The following MYO18B variants were observed in gnomAD, a reference collection of about 807,000 sequenced individuals.
The protein encoded by MYO18B is myosin XVIIIB, also known as unconventional myosin-XVIIIb.
MYO18B carries 204 observed loss-of-function variants against 273.0 expected under a neutral mutation model. That is an observed-to-expected ratio of 0.75 (90% confidence interval 0.67 to 0.84). MYO18B has a LOEUF of 0.84. Ranked by LOEUF, MYO18B falls within the 40% of genes least tolerant of loss-of-function variation. The pLI is 0.00. For missense variants in MYO18B, 3,212 were observed against 3,287.6 expected, an observed-to-expected ratio of 0.98 and a Z score of 0.56; for synonymous variants, 1,330 against 1,305.7, an observed-to-expected ratio of 1.02 and a Z score of -0.40.
intron 16 of MYO18B, 106 bp downstream of exon 16, chr22:25,833,103 C>A: frequency 9.6e-7 from 1 of 1,045,064 alleles, no homozygotes; most frequent in Non-Finnish European, 1.5e-6. Flanking sequence ...CCGTGTGCAC[C>A]TAGAGTCACC....
intron 10 of MYO18B, 62 bp from the exon 11 acceptor site, chr22:25,785,366 C>G: frequency 1.3e-6 from 2 of 1,524,832 alleles, no homozygotes; most frequent in Non-Finnish European, 1.8e-6. Context: ...GTGACGACCA[C>G]CTGCCCTGCC....
At chr22:25,820,469 G>A in intron 12 of MYO18B, among the ~76,000 whole-genome samples, 1 of 152,110 alleles carries the variant, frequency 6.6e-6, no homozygotes, top group East Asian at 1.9e-4. Context: ...CCTGTTGGTG[G>A]CTGTGATTCT....
chr22:26,054,142 C>G, the MYO18B span, among the ~76,000 whole-genome samples: 3 of 152,176 alleles, frequency 2.0e-5, no homozygotes, highest in Non-Finnish European at 4.4e-5. Flanking sequence ...GCTATTTTCC[C>G]AGGCCACTGC....
At chr22:26,042,813 C>A in the MYO18B span, among the ~76,000 whole-genome samples, 1 of 152,320 alleles carries the variant, frequency 6.6e-6, no homozygotes, top group Non-Finnish European at 1.5e-5. Flanking sequence ...CAGAACTAAG[C>A]AGGAGCAAGA....
At chr22:25,905,031 G>A (rs998175893) in intron 31 of MYO18B, among the ~76,000 whole-genome samples, 4 of 151,628 alleles carry the variant, frequency 2.6e-5, no homozygotes, top group African/African-American at 9.7e-5. Context: ...TTTGTAAAAG[G>A]CAATTATTTT....
intron 12 of MYO18B, among the ~76,000 whole-genome samples, chr22:25,802,815 C>T (rs1443095286): frequency 6.6e-6 from 1 of 151,422 alleles, no homozygotes; most frequent in Non-Finnish European, 1.5e-5. Context: ...AAACACCCAT[C>T]CCTAAGCAAT....
chr22:25,901,344 A>T (rs1275138925), intron 29 of MYO18B: 1 of 152,250 alleles, frequency 6.6e-6, no homozygotes, highest in Non-Finnish European at 1.5e-5. Flanking sequence ...AAGTGACTGA[A>T]AGTCACACCT....
chr22:25,913,284 C>T (rs982401931), intron 33 of MYO18B, among the ~76,000 whole-genome samples: 5 of 152,240 alleles, frequency 3.3e-5, no homozygotes, highest in Non-Finnish European at 7.3e-5. Flanking sequence ...ACATTTTTTC[C>T]AGGCATCGGG....
intron 11 of MYO18B, among the ~76,000 whole-genome samples, chr22:25,796,424 A>T (rs2087911870): frequency 6.6e-6 from 1 of 151,922 alleles, no homozygotes. Context: ...ATCTGTAAAA[A>T]AAATGATAAT....
chr22:26,027,700 A>G lies in MYO18B; in HGVS notation c.*12+10A>G. On this transcript the variant is annotated intron_variant, in intron 43 of 43. Coordinates refer to ENST00000335473, the MANE Select transcript of MYO18B (RefSeq NM_032608.7). This position sits in a 1 kb window ranked among gnomAD's most constrained non-coding sequence, Gnocchi z 4.1. ...GTAGGAACCAGTTCAGGTAAAAGCA[A>G]CAGGCTGGGGCTATTCTTGGGGGAA... 6.3e-7 allele frequency: 1 copy of G among 1,587,182 alleles called. No homozygotes were observed. Among genetic ancestry groups the G allele is most frequent in the Non-Finnish European group, 8.6e-7 (1 of 1,166,468 alleles).
At chr22:25,951,903 C>G (rs763587531) in intron 37 of MYO18B, among the ~76,000 whole-genome samples, 1 of 152,234 alleles carries the variant, frequency 6.6e-6, no homozygotes, top group Non-Finnish European at 1.5e-5. Flanking sequence ...AGGCAGAAAC[C>G]TGGCTCCCAA....
At chr22:26,053,417 C>G in the MYO18B span, among the ~76,000 whole-genome samples, 1 of 152,078 alleles carries the variant, frequency 6.6e-6, no homozygotes. Flanking sequence ...ATTTTTTGCT[C>G]CTGGCCTCAT....
chr22:25,780,709 C>T (rs748118181), intron 9 of MYO18B, among the ~76,000 whole-genome samples: 23 of 151,936 alleles, frequency 1.5e-4, no homozygotes, highest in Non-Finnish European at 2.8e-4. Context: ...CTCCCCACCT[C>T]GCTAGGTGCC....
At position 26,027,648 on chromosome 22, in the gene MYO18B, G is replaced by C. The variant is rs374979498; in HGVS notation, c.7674G>C (p.Ala2558=). ...CGGGGAGGAAAGACGACGATGTTGC[G>C]AGCATAATGAAGAAATACCTCCAGA... ...PGTGRKDDDV[A]SIMKKYLQK Residue 2558 remains alanine, a synonymous_variant, in exon 43 of 44, where the codon GCG becomes GCC. Coordinates refer to ENST00000335473, the MANE Select transcript of MYO18B (RefSeq NM_032608.7). The surrounding 1 kb of genome is among the most constrained non-coding windows in gnomAD (Gnocchi z 4.1). 137 of 1,613,022 alleles carry C rather than the reference G, an allele frequency of 8.5e-5. No homozygotes were observed. In the African/African-American group the frequency reaches 9.2e-4, roughly 11 times the overall value.
At chr22:25,747,414 C>T (rs573462391) in intron 1 of MYO18B, among the ~76,000 whole-genome samples, 1 of 152,328 alleles carries the variant, frequency 6.6e-6, no homozygotes, top group South Asian at 2.1e-4. Context: ...AACTACAGAT[C>T]AGTTGGTGCT....
At chr22:25,831,350 C>T (rs142708659) in intron 15 of MYO18B, among the ~76,000 whole-genome samples, 276 of 152,228 alleles carry the variant, frequency 1.8e-3, no homozygotes, top group African/African-American at 6.4e-3. Context: ...CATCCTTGTC[C>T]ACAGCATTTC....
At chr22:25,785,359 A>G (rs2087336786) in intron 10 of MYO18B, 69 bp from the exon 11 acceptor site, 38 of 1,490,480 alleles carry the variant, frequency 2.5e-5, no homozygotes, top group Non-Finnish European at 3.5e-5. Context: ...TCACACTGTG[A>G]CGACCACCTG....
At chr22:25,825,119 C>T in intron 13 of MYO18B, among the ~76,000 whole-genome samples, 1 of 152,156 alleles carries the variant, frequency 6.6e-6, no homozygotes, top group Non-Finnish European at 1.5e-5. Context: ...CACACACATA[C>T]TTAAGGATGG....
chr22:25,748,195 G>T (rs562101839), intron 1 of MYO18B, among the ~76,000 whole-genome samples: 3 of 152,300 alleles, frequency 2.0e-5, no homozygotes, highest in African/African-American at 7.2e-5. Flanking sequence ...TAACCTCGTT[G>T]TCTGTTGTTC....
Sources: allele counts gnomAD v4.1 joint callset (sites outside exome capture counted in the v4.1 genomes callset), GRCh38; gene constraint gnomAD v4.1.1; non-coding constraint Gnocchi (gnomAD v3.1); transcripts MANE v1.5; gene names NCBI Gene and HGNC (gene_info 2026-07-23, HGNC 2026-07-21).